Variants in SLC38A8 observed in about 807,000 individuals in gnomAD.
SLC38A8 encodes amino acid transporter SLC38A8.
In SLC38A8, 65 loss-of-function variants were observed where a neutral mutation model predicts 46.0. That is an observed-to-expected ratio of 1.41 (90% CI 1.16 to 1.74). The LOEUF is 1.74. Ranked by LOEUF, SLC38A8 falls within the 40% of genes most tolerant of loss-of-function variation. The probability of loss-of-function intolerance (pLI) is 0.00; values close to 1 mark genes in which losing one functional copy is unlikely to be tolerated. For missense variants in SLC38A8, 998 were observed against 567.9 expected (o/e 1.76, Z -7.70); for synonymous variants, 447 against 243.7 (o/e 1.83, Z -7.77).
intron 6 of SLC38A8, among the ~76,000 whole-genome samples, chr16:84,028,429 A>G (rs1033608132): frequency 2.6e-5 from 4 of 151,880 alleles, no homozygotes; most frequent in Non-Finnish European, 5.9e-5. Context: ...AAAAATACCA[A>G]AAAAAATTAG....
At chr16:84,041,798 G>A (rs956873633) in intron 2 of SLC38A8, among the ~76,000 whole-genome samples, 171 bp downstream of exon 2, 2 of 152,164 alleles carry the variant, frequency 1.3e-5, no homozygotes, top group Middle Eastern at 3.2e-3. Flanking sequence ...TCATCCCAGG[G>A]CTACAGTGGG....
intron 9 of SLC38A8, 121 bp from the exon 10 acceptor site, chr16:84,013,173 T>G: frequency 9.4e-7 from 1 of 1,069,508 alleles, no homozygotes. Flanking sequence ...TGGGTGCCCC[T>G]GGCTCAGGCC....
chr16:84,021,086 G>C (rs1000423261), intron 7 of SLC38A8, among the ~76,000 whole-genome samples: 1 of 152,086 alleles, frequency 6.6e-6, no homozygotes, highest in African/African-American at 2.4e-5. Context: ...AGGGATGACA[G>C]AGTCTCATTC....
chr16:84,029,584 G>T (rs2085213717), intron 5 of SLC38A8, 33 bp from the exon 6 acceptor site: 1 of 1,610,562 alleles, frequency 6.2e-7, no homozygotes, highest in Admixed American at 1.7e-5. Flanking sequence ...GTTTATTAAA[G>T]AAGGGTCACA....
intron 10 of SLC38A8, among the ~76,000 whole-genome samples, chr16:84,011,507 G>C (rs371976355): frequency 1.5e-4 from 23 of 152,276 alleles, no homozygotes; most frequent in South Asian, 6.2e-4. Context: ...GGGTATAGGG[G>C]AACAGACCTA....
chr16:84,027,524 G>C (rs1006528336), intron 6 of SLC38A8, among the ~76,000 whole-genome samples: 7 of 152,228 alleles, frequency 4.6e-5, no homozygotes, highest in Non-Finnish European at 1.0e-4. Flanking sequence ...CGGGGACGCT[G>C]TGTTTGAGTC....
Position 84,013,055 on chromosome 16 carries a change from G to C in SLC38A8, c.1163-3C>G. The C allele has an allele frequency of 1.2e-6, 2 of 1,613,162 alleles. No individual in the cohort carries two copies. Among genetic ancestry groups the C allele is most frequent in the Non-Finnish European group, 1.7e-6 (2 of 1,179,660 alleles). ...CATTGCACAGATGAGGCACAAACCT[G>C]CAAAAAAGACAGGGTCACCCACAGT... is the stretch of plus-strand genomic sequence containing the variant. On this transcript the variant is annotated splice_region_variant and splice_polypyrimidine_tract_variant and intron_variant, in intron 9 of 10. Transcript: ENST00000299709.
rs1161159416 is a variant in SLC38A8 at position 84,031,865 on chromosome 16, A to C, written c.632+2T>G. 20 of 1,613,580 alleles carry C rather than the reference A, an allele frequency of 1.2e-5. No individual in the cohort carries two copies. Among genetic ancestry groups the C allele is most frequent in the Non-Finnish European group, 1.5e-5 (18 of 1,179,740 alleles). ...TGCCGGAAGCTGTTCCCTCAGACTT[A>C]CCTCAGTGAAGGATGGGACTCACGC... On this transcript the variant is annotated splice_donor_variant, in intron 5 of 10. Coordinates refer to ENST00000299709, the MANE Select transcript of SLC38A8 (RefSeq NM_001080442.3). LOFTEE classifies it high-confidence loss of function.
Position 84,012,885 on chromosome 16 carries a change from G to A in SLC38A8, c.1214+116C>T, listed in dbSNP as rs11864162. The A allele has an allele frequency of 0.073, 84,103 of 1,156,446 alleles. 3,962 individuals carry two copies. Among genetic ancestry groups the A allele is most frequent in the African/African-American group, 0.18 (11,923 of 64,828 alleles). 71.6% of individuals were successfully genotyped at this position (1,156,446 alleles called of 1,614,324 possible). On this transcript the variant is annotated intron_variant, in intron 10 of 10. Coordinates refer to ENST00000299709, the MANE Select transcript of SLC38A8 (RefSeq NM_001080442.3). ...AGAGACTCTCTTCCTGTGGCTCGCAGGTTTCTCACCTGCAGGATGCAGAGG... is the reference window on the plus strand; with the variant it reads ...AGAGACTCTCTTCCTGTGGCTCGCAAGTTTCTCACCTGCAGGATGCAGAGG...
At chr16:84,027,565 C>T (rs1016941705) in intron 6 of SLC38A8, among the ~76,000 whole-genome samples, 3 of 152,258 alleles carry the variant, frequency 2.0e-5, no homozygotes, top group African/African-American at 2.4e-5. Flanking sequence ...AGTATGTGAC[C>T]GTCCCTTTCC....
chr16:84,036,943 G>T (rs1300469629), intron 2 of SLC38A8, 43 bp from the exon 3 acceptor site: 3 of 1,522,698 alleles, frequency 2.0e-6, no homozygotes, highest in Non-Finnish European at 2.7e-6. Flanking sequence ...TGTGCCCACA[G>T]CCCACCCACC....
At position 84,013,021 on chromosome 16, in the gene SLC38A8, C is replaced by G; in HGVS notation, c.1194G>C (p.Glu398Asp). 6.2e-7 allele frequency: 1 copy of G among 1,614,204 alleles called. No homozygotes were observed. Among genetic ancestry groups the G allele is most frequent in the Non-Finnish European group, 8.5e-7 (1 of 1,180,024 alleles). ...GLCLICAMGVEPIGPRVKCCL... is the reference protein window; with the variant it reads ...GLCLICAMGVDPIGPRVKCCL... ...CTTACTTGACTCTTGGTCCTATAGGCTCGACACCCATTGCACAGATGAGGC... is the reference window on the plus strand; with the variant it reads ...CTTACTTGACTCTTGGTCCTATAGGGTCGACACCCATTGCACAGATGAGGC... Residue 398 changes from glutamate (E) to aspartate (D), a missense_variant, in exon 10 of 11, where the codon GAG becomes GAC. Glu to Asp is a conservative substitution (Grantham distance 45). Coordinates refer to ENST00000299709, the MANE Select transcript of SLC38A8 (RefSeq NM_001080442.3).
intron 5 of SLC38A8, among the ~76,000 whole-genome samples, chr16:84,030,938 G>C (rs2085230537): frequency 6.6e-6 from 1 of 152,182 alleles, no homozygotes; most frequent in Non-Finnish European, 1.5e-5. Flanking sequence ...GAAGCCACCA[G>C]GTCTGGGACC....
At chr16:84,037,843 C>G (rs907046) in intron 2 of SLC38A8, among the ~76,000 whole-genome samples, 51,607 of 133,046 alleles carry the variant, frequency 0.39, 10,205 homozygotes, top group East Asian at 0.56. Context: ...GAGTCTAGCT[C>G]TGTCACCCAG....
rs765356321 is a variant in SLC38A8 at position 84,009,749 on chromosome 16, C to G, written c.*35G>C. 7.5e-6 allele frequency: 12 copies of G among 1,593,726 alleles called. No homozygotes were observed. Among genetic ancestry groups the G allele is most frequent in the South Asian group, 1.1e-5 (1 of 89,298 alleles). On this transcript the variant is annotated 3_prime_UTR_variant, in exon 11 of 11. Coordinates refer to ENST00000299709, the MANE Select transcript of SLC38A8 (RefSeq NM_001080442.3). ...ACAGCAGCCACGTAGGGTCAGCCCC[C>G]GGAGGGCCCCTTCCTGCCCGGCACT...
rs191333447 is a variant in SLC38A8 at position 84,023,354 on chromosome 16, G to A, written c.691-465C>T. Among the ~76,000 whole-genome samples the A allele has an allele frequency of 1.5e-4, 23 of 152,160 alleles. No homozygotes were observed. The East Asian group carries it at 3.9e-3, about 26-fold the overall frequency. On this transcript the variant is annotated intron_variant, in intron 6 of 10. Transcript: ENST00000299709. ...TAAAGGCTCTTGTACTCCTTTGCTCGGGTGTGCTCTGACCAAGAAAAAGCA... is the reference window on the plus strand; with the variant it reads ...TAAAGGCTCTTGTACTCCTTTGCTCAGGTGTGCTCTGACCAAGAAAAAGCA...
At chr16:84,017,566 T>G (rs1432191270) in intron 7 of SLC38A8, among the ~76,000 whole-genome samples, 1 of 152,196 alleles carries the variant, frequency 6.6e-6, no homozygotes, top group Non-Finnish European at 1.5e-5. Context: ...GTGTGTTGAC[T>G]AGAAGCACAG....
intron 3 of SLC38A8, among the ~76,000 whole-genome samples, chr16:84,036,458 C>G (rs1012897565): frequency 6.6e-6 from 1 of 152,252 alleles, no homozygotes. Flanking sequence ...CTTATCTCCA[C>G]TGGATATCCT....
intron 4 of SLC38A8, among the ~76,000 whole-genome samples, chr16:84,032,840 G>A (rs950806580): frequency 2.6e-5 from 4 of 152,170 alleles, no homozygotes; most frequent in African/African-American, 9.7e-5. Flanking sequence ...CAACCTCTGT[G>A]TGTGTGCACA....
Sources: gnomAD v4.1 joint callset for allele counts (sites outside exome capture counted in the v4.1 genomes callset) on GRCh38, gnomAD v4.1.1 for gene constraint, MANE v1.5 for transcripts, NCBI Gene and HGNC (gene_info 2026-07-23, HGNC 2026-07-21) for gene names.